CYRIA: variants seen among roughly 807,000 people sequenced by gnomAD.
CYRIA encodes the protein CYFIP-related Rac1 interactor A.
Under a neutral mutation model 43.9 loss-of-function variants are expected in CYRIA, and 15 were observed. The observed-to-expected ratio is 0.34, with a 90% CI of 0.23 to 0.53. CYRIA has a LOEUF of 0.53. Ranked by LOEUF, CYRIA falls within the 20% of genes least tolerant of loss-of-function variation. The probability of loss-of-function intolerance (pLI) is 0.94; values close to 1 mark genes in which losing one functional copy is unlikely to be tolerated. For synonymous variants in CYRIA, 117 were observed against 136.0 expected (o/e 0.86, Z 0.97); for missense variants, 236 against 394.2 (o/e 0.60, Z 3.40).
intron 1 of CYRIA, among the ~76,000 whole-genome samples, chr2:16,656,842 C>T (rs577186910): frequency 1.3e-5 from 2 of 152,312 alleles, no homozygotes; most frequent in Non-Finnish European, 2.9e-5. Context: ...ACCTCGTGAG[C>T]GTCAGTGGCG....
At chr2:16,623,569 G>A (rs1572184124) in intron 2 of CYRIA, among the ~76,000 whole-genome samples, 2 of 152,144 alleles carry the variant, frequency 1.3e-5, no homozygotes, top group South Asian at 4.2e-4. Flanking sequence ...GGCTAGCATG[G>A]GCAGAAAGGA....
intron 2 of CYRIA, among the ~76,000 whole-genome samples, chr2:16,621,095 A>C (rs6726804): frequency 0.019 from 2,944 of 152,312 alleles, 99 homozygotes; most frequent in African/African-American, 0.067. Flanking sequence ...ACTCAACTGC[A>C]GGGGCTGACC....
chr2:16,564,425 A>G (rs534170636), intron 4 of CYRIA, among the ~76,000 whole-genome samples: 1 of 152,220 alleles, frequency 6.6e-6, no homozygotes, highest in South Asian at 2.1e-4. Flanking sequence ...TCTGCTCATT[A>G]TAAAGTGCAA....
intron 2 of CYRIA, among the ~76,000 whole-genome samples, chr2:16,604,067 C>T (rs771230311): frequency 1.2e-4 from 19 of 152,198 alleles, no homozygotes; most frequent in Non-Finnish European, 2.2e-4. Context: ...TGGCCTCTCA[C>T]GTCGTCAGGC....
chr2:16,563,394 G>A (rs1666819938), intron 5 of CYRIA, among the ~76,000 whole-genome samples: 2 of 152,074 alleles, frequency 1.3e-5, no homozygotes, highest in African/African-American at 4.8e-5. Flanking sequence ...TATGGCAAAA[G>A]TAGAGTAGAA....
chr2:16,581,630 T>A (rs1667551788), intron 3 of CYRIA, among the ~76,000 whole-genome samples: 1 of 152,236 alleles, frequency 6.6e-6, no homozygotes. Flanking sequence ...ATAAGTTTTT[T>A]ACAAGGGTAT....
Position 16,559,605 on chromosome 2 carries a change from C to T in CYRIA, c.711-19G>A. On this transcript the variant is annotated intron_variant, in intron 9 of 11. Coordinates refer to ENST00000381323, the MANE Select transcript of CYRIA (RefSeq NM_030797.4). ...GTACTCCCTGCAAGAGAAGAAACAG[C>T]AGTGGCGTCACTTCCTTGTCAGAAC... is the stretch of plus-strand genomic sequence containing the variant. The T allele has an allele frequency of 6.2e-7, 1 of 1,608,740 alleles. No homozygotes were observed. Among genetic ancestry groups the T allele is most frequent in the Non-Finnish European group, 8.5e-7 (1 of 1,177,194 alleles).
chr2:16,554,316 TG>T (rs1666424776), intron 11 of CYRIA, among the ~76,000 whole-genome samples: 1 of 152,116 alleles, frequency 6.6e-6, no homozygotes, highest in Non-Finnish European at 1.5e-5. Context: ...AGTATCAGAA[TG>T]ATTTACATAG....
intron 2 of CYRIA, among the ~76,000 whole-genome samples, chr2:16,611,675 C>T (rs1169071151): frequency 1.3e-5 from 2 of 151,842 alleles, no homozygotes; most frequent in African/African-American, 2.4e-5. Flanking sequence ...TCCCAGTGAA[C>T]ATCCCACTGC....
At chr2:16,559,402 A>G in intron 10 of CYRIA, 58 bp downstream of exon 10, 1 of 1,573,684 alleles carries the variant, frequency 6.4e-7, no homozygotes, top group Non-Finnish European at 8.6e-7. Context: ...AAGAAAAACA[A>G]GGTCTGGCAA....
At chr2:16,627,064 C>T (rs1669191764) in intron 1 of CYRIA, among the ~76,000 whole-genome samples, 1 of 152,250 alleles carries the variant, frequency 6.6e-6, no homozygotes, top group Non-Finnish European at 1.5e-5. Context: ...TAGGCATCTC[C>T]TGTCTTCCAG....
chr2:16,645,335 CT>C (rs11286012), intron 1 of CYRIA, among the ~76,000 whole-genome samples: 14,685 of 152,192 alleles, frequency 0.096, 1,768 homozygotes, highest in African/African-American at 0.28. Flanking sequence ...AGAAGTTTGG[CT>C]TCAACTCAGT....
chr2:16,570,051 G>A (rs549788333), intron 3 of CYRIA, among the ~76,000 whole-genome samples: 3 of 152,210 alleles, frequency 2.0e-5, no homozygotes, highest in Admixed American at 6.5e-5. Flanking sequence ...ATGAATACAC[G>A]AAGAAATTGG....
In CYRIA at chr2:16,568,369, T is replaced by C. The variant is rs140408158; in HGVS notation, c.71-2602A>G. On this transcript the variant is annotated intron_variant, in intron 3 of 11. Coordinates refer to ENST00000381323, the MANE Select transcript of CYRIA (RefSeq NM_030797.4). ...AAAACATTTGGTAAGTTTTCTCAGATATGATGTTACTCACAATATTAATCA... is the reference window on the plus strand; with the variant it reads ...AAAACATTTGGTAAGTTTTCTCAGACATGATGTTACTCACAATATTAATCA... Among the ~76,000 whole-genome samples, 160 of 152,288 alleles carry C rather than the reference T, an allele frequency of 1.1e-3. 1 individual carries two copies. The highest frequency in any genetic ancestry group is 3.7e-3 in the African/African-American group (154 of 41,556).
intron 1 of CYRIA, among the ~76,000 whole-genome samples, chr2:16,649,197 AG>A (rs1669899948): frequency 6.6e-6 from 1 of 152,270 alleles, no homozygotes; most frequent in Non-Finnish European, 1.5e-5. Flanking sequence ...GAAAGTATAT[AG>A]GAGGAGATAC....
chr2:16,657,507 T>C (rs1446541878), intron 1 of CYRIA, among the ~76,000 whole-genome samples: 1 of 151,934 alleles, frequency 6.6e-6, no homozygotes, highest in Non-Finnish European at 1.5e-5. Flanking sequence ...TGTTGTTTTG[T>C]TTTTGTGCCA....
chr2:16,647,758 T>C (rs749905225), intron 1 of CYRIA, among the ~76,000 whole-genome samples: 35 of 152,232 alleles, frequency 2.3e-4, no homozygotes, highest in Admixed American at 5.9e-4. Context: ...GATTCTGGCA[T>C]GGCTCACACA....
At chr2:16,615,311 C>G (rs773657001) in intron 2 of CYRIA, among the ~76,000 whole-genome samples, 9 of 152,218 alleles carry the variant, frequency 5.9e-5, no homozygotes, top group Non-Finnish European at 1.2e-4. Flanking sequence ...TCTGCCTCCC[C>G]CAAGTAACCA....
intron 1 of CYRIA, among the ~76,000 whole-genome samples, chr2:16,643,260 G>T (rs117882815): frequency 6.6e-6 from 1 of 152,018 alleles, no homozygotes; most frequent in African/African-American, 2.4e-5. Flanking sequence ...CACTTTAGTC[G>T]TTCATCCTTG....
Sources: gnomAD v4.1 joint callset for allele counts (sites outside exome capture counted in the v4.1 genomes callset) on GRCh38, gnomAD v4.1.1 for gene constraint, MANE v1.5 for transcripts, NCBI Gene and HGNC (gene_info 2026-07-23, HGNC 2026-07-21) for gene names.